The following NCOA2 variants were observed in gnomAD, a reference collection of about 807,000 sequenced individuals.
The protein encoded by NCOA2 is nuclear receptor coactivator 2.
In NCOA2, 21 loss-of-function variants were observed where a neutral mutation model predicts 145.1. The ratio of observed to expected loss-of-function variants is 0.14; its 90% CI spans 0.10 to 0.21. The LOEUF is 0.21. NCOA2 is among the 10% of genes least tolerant of loss of function. The pLI is 1.00. For missense variants in NCOA2, 1,472 were observed against 1,837.6 expected, an observed-to-expected ratio of 0.80 and a Z score of 3.64; for synonymous variants, 619 against 637.5, an observed-to-expected ratio of 0.97 and a Z score of 0.44.
chr8:70,121,319 C>A lies in NCOA2; in HGVS notation c.4366G>T (p.Glu1456Ter), dbSNP rs1161802201. The change falls in exon 22 of 23, where the codon GAG becomes TAG. Residue 1456 changes from glutamate (E) to a stop codon, truncating the protein, a stop_gained. Transcript: ENST00000452400. LOFTEE classifies it high-confidence loss of function. ...QLPGMDMIKQ[E>*]GDTTRKYC The stretch of plus-strand genomic sequence containing the variant: ...TTTCTTACCCGTGTTGTGTCTCCCT[C>A]CTGCTTAATCATATCCATTCCAGGC... The A allele has an allele frequency of 6.2e-7, 1 of 1,612,862 alleles. No individual in the cohort carries two copies. The highest frequency in any genetic ancestry group is 8.5e-7 in the Non-Finnish European group (1 of 1,179,352).
At chr8:70,293,568 A>G (rs1826869060) in intron 2 of NCOA2, among the ~76,000 whole-genome samples, 1 of 152,192 alleles carries the variant, frequency 6.6e-6, no homozygotes, top group South Asian at 2.1e-4. Context: ...ATGTGTGAAC[A>G]ATTCACCAAC....
chr8:70,389,326 A>G (rs1441445528), intron 1 of NCOA2, among the ~76,000 whole-genome samples: 1 of 151,704 alleles, frequency 6.6e-6, no homozygotes, highest in Non-Finnish European at 1.5e-5. Context: ...TATTGCCCAG[A>G]CTGGAGTGCA....
At chr8:70,292,642 C>A (rs1826785523) in intron 2 of NCOA2, among the ~76,000 whole-genome samples, 1 of 151,916 alleles carries the variant, frequency 6.6e-6, no homozygotes. Flanking sequence ...GATAGATAAT[C>A]CTTTTTAATT....
chr8:70,381,301 C>A (rs181381580), intron 1 of NCOA2, among the ~76,000 whole-genome samples: 2 of 152,080 alleles, frequency 1.3e-5, no homozygotes, highest in Admixed American at 1.3e-4. Flanking sequence ...AGAAAAACAG[C>A]GTAATAACAA....
At chr8:70,167,324 G>A (rs1251642147) in intron 6 of NCOA2, among the ~76,000 whole-genome samples, 2 of 152,078 alleles carry the variant, frequency 1.3e-5, no homozygotes, top group South Asian at 2.1e-4. Flanking sequence ...CCATCTAACG[G>A]GATCTTCCAC....
chr8:70,150,810 T>TTC (rs1811657214), intron 11 of NCOA2, among the ~76,000 whole-genome samples: 2 of 152,226 alleles, frequency 1.3e-5, no homozygotes, highest in Non-Finnish European at 2.9e-5. Flanking sequence ...GATGATTTCT[T>TTC]TTAATCATAT....
At chr8:70,178,013 G>A (rs1815059656) in intron 4 of NCOA2, among the ~76,000 whole-genome samples, 1 of 152,188 alleles carries the variant, frequency 6.6e-6, no homozygotes, top group Non-Finnish European at 1.5e-5. Context: ...CTTGTGAGAT[G>A]TTTATATTAT....
intron 15 of NCOA2, among the ~76,000 whole-genome samples, chr8:70,137,077 T>C (rs1278606718): frequency 6.6e-6 from 1 of 152,240 alleles, no homozygotes; most frequent in Non-Finnish European, 1.5e-5. Context: ...TTCGCTCTTG[T>C]TGCCCAGGCT....
At chr8:70,201,339 T>C (rs1220025965) in intron 4 of NCOA2, among the ~76,000 whole-genome samples, 11 of 152,150 alleles carry the variant, frequency 7.2e-5, no homozygotes, top group Admixed American at 7.2e-4. Flanking sequence ...AACACACCTC[T>C]GGAGTAAAAG....
upstream of NCOA2, among the ~76,000 whole-genome samples, chr8:70,405,437 G>GTTTTTTTTTTTTT (rs34814735): frequency 6.1e-4 from 36 of 59,388 alleles, 3 homozygotes; most frequent in African/African-American, 1.7e-3. Context: ...ATTTTTAAAG[G>GTTTTTTTTTTTTT]TTTTTTTTTT....
chr8:70,169,785 A>G (rs1814024225), intron 6 of NCOA2, among the ~76,000 whole-genome samples: 1 of 152,146 alleles, frequency 6.6e-6, no homozygotes, highest in African/African-American at 2.4e-5. Flanking sequence ...AAATACAACA[A>G]TCTTAATGAA....
intron 2 of NCOA2, among the ~76,000 whole-genome samples, chr8:70,282,786 TA>T (rs779420325): frequency 1.3e-5 from 2 of 151,724 alleles, no homozygotes; most frequent in Non-Finnish European, 2.9e-5. Flanking sequence ...ATATTGCTAA[TA>T]AGAGAGTCAG....
chr8:70,294,981 A>G (rs1826979822), intron 2 of NCOA2, among the ~76,000 whole-genome samples: 2 of 152,230 alleles, frequency 1.3e-5, no homozygotes, highest in African/African-American at 4.8e-5. Flanking sequence ...ACTTTCAATA[A>G]TTCTTAAAGG....
chr8:70,140,678 C>A (rs1371380098), intron 14 of NCOA2, among the ~76,000 whole-genome samples: 2 of 139,272 alleles, frequency 1.4e-5, no homozygotes, highest in Admixed American at 1.5e-4. Context: ...TGGCTCAATG[C>A]ACCCTCCACC....
intron 7 of NCOA2, among the ~76,000 whole-genome samples, chr8:70,165,622 C>T (rs1356652878): frequency 6.6e-6 from 1 of 152,122 alleles, no homozygotes; most frequent in African/African-American, 2.4e-5. Flanking sequence ...GAAGTGAATG[C>T]TACATCAGCA....
intron 1 of NCOA2, among the ~76,000 whole-genome samples, chr8:70,375,122 G>C (rs1811559440): frequency 6.6e-6 from 1 of 152,010 alleles, no homozygotes; most frequent in Non-Finnish European, 1.5e-5. Flanking sequence ...GAAGAATGAA[G>C]ACTCACTTTT....
chr8:70,433,084 A>G, the NCOA2 span, among the ~76,000 whole-genome samples: 1 of 152,170 alleles, frequency 6.6e-6, no homozygotes, highest in African/African-American at 2.4e-5. Context: ...GTAATATCTC[A>G]ATTTCCTCAA....
chr8:70,285,649 T>C (rs1183534031), intron 2 of NCOA2, among the ~76,000 whole-genome samples: 1 of 152,258 alleles, frequency 6.6e-6, no homozygotes, highest in East Asian at 1.9e-4. Context: ...CGTAACTTAA[T>C]GTTTGCCATT....
At chr8:70,194,845 A>G (rs1488775432) in intron 4 of NCOA2, among the ~76,000 whole-genome samples, 3 of 152,070 alleles carry the variant, frequency 2.0e-5, no homozygotes, top group Admixed American at 1.3e-4. Context: ...TTGACTCCTA[A>G]CAACCTTCTT....
Sources: gnomAD v4.1 joint callset for allele counts (sites outside exome capture counted in the v4.1 genomes callset) on GRCh38, gnomAD v4.1.1 for gene constraint, MANE v1.5 for transcripts, NCBI Gene and HGNC (gene_info 2026-07-23, HGNC 2026-07-21) for gene names.